CFAP100: variants seen among roughly 807,000 people sequenced by gnomAD.
CFAP100 encodes the protein cilia and flagella associated protein 100.
Under a neutral mutation model 81.5 loss-of-function variants are expected in CFAP100, and 70 were observed. The ratio of observed to expected loss-of-function variants is 0.86; its 90% CI spans 0.71 to 1.05. The LOEUF is 1.05. Ranked by LOEUF, CFAP100 falls within the 50% of genes least tolerant of loss-of-function variation. The pLI is 0.00. For synonymous variants in CFAP100, 341 were observed against 314.8 expected (o/e 1.08, Z -0.88); for missense variants, 811 against 776.5 (o/e 1.04, Z -0.53).
chr3:126,401,397 T>TTTTA (rs869308239), intron 2 of CFAP100, among the ~76,000 whole-genome samples: 2,653 of 75,420 alleles, frequency 0.035, 100 homozygotes, highest in Non-Finnish European at 0.055. Flanking sequence ...AAATCGTATT[T>TTTTA]TATATATATA....
intron 5 of CFAP100, chr3:126,416,798 CAATACAGCAAGATAT>C: frequency 3.1e-6 from 1 of 318,140 alleles, no homozygotes; most frequent in Non-Finnish European, 5.7e-6. Flanking sequence ...TAGGTGAGTA[CAATACAGCAAGATAT>C]TTTGAGAAAG....
chr3:126,410,301 C>T (rs2083134847), intron 3 of CFAP100, among the ~76,000 whole-genome samples: 1 of 152,178 alleles, frequency 6.6e-6, no homozygotes, highest in South Asian at 2.1e-4. Flanking sequence ...CTTTAGTGAC[C>T]CCCAAGGTCA....
intron 2 of CFAP100, among the ~76,000 whole-genome samples, chr3:126,402,039 T>C (rs2082993171): frequency 6.6e-6 from 1 of 152,198 alleles, no homozygotes; most frequent in African/African-American, 2.4e-5. Context: ...TATGTGCTTG[T>C]TGCCGGTCCA....
Position 126,436,546 on chromosome 3 carries a change from G to A in CFAP100, c.*142G>A, listed in dbSNP as rs1933455025. ...CCCTTCCTCACCTGAATAAATTCAT[G>A]TCTCTCTGGAGTCTTGAAGGCCTGC... On this transcript the variant is annotated 3_prime_UTR_variant, in exon 17 of 17. Coordinates refer to ENST00000352312, the MANE Select transcript of CFAP100 (RefSeq NM_182628.3). 1.6e-6 allele frequency: 1 copy of A among 637,644 alleles called. No homozygotes were observed. Among genetic ancestry groups the A allele is most frequent in the Non-Finnish European group, 2.8e-6 (1 of 355,984 alleles). 39.5% of individuals were successfully genotyped at this position (637,644 alleles called of 1,614,324 possible).
rs6439010 is a variant in CFAP100, at chr3:126,416,522, G to T, written c.418+14G>T. ...CCTTGACCAAAGGTGCGTCCCCTCC[G>T]GCGCGGGGGGACCTGGGCCAGTGGC... On this transcript the variant is annotated intron_variant, in intron 5 of 16. Transcript: ENST00000352312. 0.22 allele frequency: 344,198 copies of T among 1,542,564 alleles called. 39,896 individuals carry two copies. The highest frequency in any genetic ancestry group is 0.35 in the African/African-American group (25,750 of 72,566).
intron 8 of CFAP100, 114 bp from the exon 9 acceptor site, chr3:126,419,523 A>C (rs1484478096): frequency 1.1e-6 from 1 of 941,036 alleles, no homozygotes; most frequent in African/African-American, 1.7e-5. Context: ...TCTCAAGGAA[A>C]ACAAGGAGCC....
In CFAP100 at chr3:126,400,957, A is replaced by G. The variant is rs546143514; in HGVS notation, c.49+4908A>G. Among the ~76,000 whole-genome samples the G allele has an allele frequency of 2.0e-5, 3 of 152,390 alleles. No individual in the cohort carries two copies. In the East Asian group the frequency reaches 5.8e-4, roughly 29 times the overall value. On this transcript the variant is annotated intron_variant, in intron 2 of 16. Transcript: ENST00000352312. ...CCTGAGTATCCATCAATGGAGGAAC[A>G]GATACAGAACATGTGGTGCATCCAT...
At chr3:126,397,848 G>A (rs1176230997) in intron 2 of CFAP100, among the ~76,000 whole-genome samples, 1 of 152,236 alleles carries the variant, frequency 6.6e-6, no homozygotes, top group Non-Finnish European at 1.5e-5. Flanking sequence ...TGGGGATGCT[G>A]AGCCAAGTAC....
chr3:126,423,819 G>A (rs923273438), intron 13 of CFAP100, among the ~76,000 whole-genome samples, 175 bp downstream of exon 13: 1 of 152,258 alleles, frequency 6.6e-6, no homozygotes, highest in Non-Finnish European at 1.5e-5. Flanking sequence ...CCTGGAGAGA[G>A]GGTGGTGGAG....
chr3:126,412,281 T>A (rs6781078), intron 3 of CFAP100, among the ~76,000 whole-genome samples: 101,677 of 151,554 alleles, frequency 0.67, 34,910 homozygotes, highest in Non-Finnish European at 0.77. Context: ...AATTACAAGG[T>A]CCCCCGTGGT....
At position 126,418,493 on chromosome 3, in the gene CFAP100, A is replaced by G. The variant is rs904074293; in HGVS notation, c.454A>G (p.Ile152Val). The G allele has an allele frequency of 1.2e-6, 2 of 1,614,024 alleles. No homozygotes were observed. Among genetic ancestry groups the G allele is most frequent in the Non-Finnish European group, 1.7e-6 (2 of 1,180,054 alleles). Residue 152 changes from isoleucine to valine, a missense_variant, in exon 6 of 17, where the codon ATT (isoleucine) becomes GTT (valine). By Grantham distance (29) the Ile-to-Val change is conservative (BLOSUM62 3). Coordinates refer to ENST00000352312, the MANE Select transcript of CFAP100 (RefSeq NM_182628.3). ...NVEPENMSGY[I>V]KQKRQMFLLQ... Reference sequence around the variant, plus strand: ...GGAGCCTGAGAACATGAGTGGCTACATTAAGCAGAAGCGGCAAATGTTCCT... The same window carrying G: ...GGAGCCTGAGAACATGAGTGGCTACGTTAAGCAGAAGCGGCAAATGTTCCT...
intron 2 of CFAP100, among the ~76,000 whole-genome samples, chr3:126,399,814 C>T (rs2082943829): frequency 6.6e-6 from 1 of 152,146 alleles, no homozygotes; most frequent in African/African-American, 2.4e-5. Context: ...TTTAGCATTT[C>T]CTGGAGCAGC....
chr3:126,430,183 GA>G (rs1933156272), intron 13 of CFAP100, among the ~76,000 whole-genome samples: 2 of 152,046 alleles, frequency 1.3e-5, no homozygotes, highest in Non-Finnish European at 2.9e-5. Flanking sequence ...CATGAATCTG[GA>G]TATCTATTTT....
rs1933287143 is a variant in CFAP100, at chr3:126,432,891, TC to T, written c.1287-174del. 3.0e-5 allele frequency: 15 copies of T among 504,002 alleles called. No homozygotes were observed. In the East Asian group the frequency reaches 4.4e-4, roughly 15 times the overall value. 31.2% of individuals were successfully genotyped at this position (504,002 alleles called of 1,614,324 possible). On this transcript the variant is annotated intron_variant, in intron 13 of 16. Transcript: ENST00000352312. Reference sequence around the variant, plus strand: ...GTTGATTGTTAAATATTTTACATTTTCCCCTACATTCTACCAGCATTTCTGA... The same window carrying T: ...GTTGATTGTTAAATATTTTACATTTTCCCTACATTCTACCAGCATTTCTGA...
intron 4 of CFAP100, 21 bp downstream of exon 4, chr3:126,414,200 C>T (rs1323382223): frequency 6.4e-7 from 1 of 1,572,260 alleles, no homozygotes; most frequent in Non-Finnish European, 8.8e-7. Flanking sequence ...AGGACAGACG[C>T]CAGCACCTCC....
chr3:126,419,828 AAG>A lies in CFAP100; in HGVS notation c.913+14_913+15del, dbSNP rs761240026. The A allele has an allele frequency of 6.2e-7, 1 of 1,613,036 alleles. No individual in the cohort carries two copies. Among genetic ancestry groups the A allele is most frequent in the Admixed American group, 1.7e-5 (1 of 59,976 alleles). ...ACACCAGGGGACAAAGGTAGCAGAA[AAG>A]AGAATGTGGGTTCCCAGGTGGGCTC... On this transcript the variant is annotated intron_variant, in intron 9 of 16. Coordinates refer to ENST00000352312, the MANE Select transcript of CFAP100 (RefSeq NM_182628.3).
chr3:126,405,801 T>C (rs2083054077), intron 2 of CFAP100, among the ~76,000 whole-genome samples: 1 of 152,122 alleles, frequency 6.6e-6, no homozygotes, highest in African/African-American at 2.4e-5. Context: ...TTCTTTCTTG[T>C]TTTAGAGACA....
At chr3:126,434,967 C>T (rs1933384549) in intron 15 of CFAP100, among the ~76,000 whole-genome samples, 1 of 152,088 alleles carries the variant, frequency 6.6e-6, no homozygotes, top group African/African-American at 2.4e-5. Flanking sequence ...CAGCCTGAAC[C>T]CAAGGTAGAT....
chr3:126,407,162 G>T lies in CFAP100; in HGVS notation c.50-10G>T. The T allele has an allele frequency of 6.2e-7, 1 of 1,609,972 alleles. No individual in the cohort carries two copies. Among genetic ancestry groups the T allele is most frequent in the Non-Finnish European group, 8.5e-7 (1 of 1,176,798 alleles). On this transcript the variant is annotated splice_polypyrimidine_tract_variant and intron_variant, in intron 2 of 16. Transcript: ENST00000352312. Reference sequence around the variant, plus strand: ...TCACTGCTGCGGCCCTCACTTTTGTGTCTCCTCAGAGAACAGCCTGGAATC... The same window carrying T: ...TCACTGCTGCGGCCCTCACTTTTGTTTCTCCTCAGAGAACAGCCTGGAATC...
Sources: allele counts gnomAD v4.1 joint callset (sites outside exome capture counted in the v4.1 genomes callset), GRCh38; gene constraint gnomAD v4.1.1; transcripts MANE v1.5; gene names NCBI Gene and HGNC (gene_info 2026-07-23, HGNC 2026-07-21).